GLB1L: variants seen among roughly 807,000 people sequenced by gnomAD.
The protein encoded by GLB1L is beta-galactosidase-1-like protein.
In GLB1L, 58 loss-of-function variants were observed where a neutral mutation model predicts 75.7. The ratio of observed to expected loss-of-function variants is 0.77; its 90% confidence interval spans 0.62 to 0.95. The LOEUF (loss-of-function observed/expected upper bound fraction) is 0.95. Ranked by LOEUF, GLB1L falls within the 40% of genes least tolerant of loss-of-function variation. The probability of loss-of-function intolerance (pLI) is 0.00; values close to 1 mark genes in which losing one functional copy is unlikely to be tolerated. For missense variants in GLB1L, 797 were observed against 805.5 expected, an observed-to-expected ratio of 0.99 and a Z score of 0.13; for synonymous variants, 296 against 303.0, an observed-to-expected ratio of 0.98 and a Z score of 0.24.
At chr2:219,240,482 G>C (rs773620241) in intron 5 of GLB1L, among the ~76,000 whole-genome samples, 197 bp from the exon 6 acceptor site, 1 of 152,208 alleles carries the variant, frequency 6.6e-6, no homozygotes, top group Non-Finnish European at 1.5e-5. Context: ...GGCGGCTCAC[G>C]CCTGTAATCC....
chr2:219,243,098 G>T, intron 3 of GLB1L, 50 bp downstream of exon 3: 1 of 1,561,288 alleles, frequency 6.4e-7, no homozygotes, highest in African/African-American at 1.4e-5. Context: ...TAAGGGGGCG[G>T]TAGAAAAAGT....
intron 12 of GLB1L, 41 bp downstream of exon 12, chr2:219,238,664 A>G: frequency 6.2e-7 from 1 of 1,604,866 alleles, no homozygotes; most frequent in Admixed American, 1.7e-5. Context: ...TATTTAGAAA[A>G]AAAAGGTGTG....
Position 219,237,094 on chromosome 2 carries a change from G to A in GLB1L, c.1943C>T (p.Pro648Leu), listed in dbSNP as rs758277180. 1 of 1,607,840 alleles carries A rather than the reference G, an allele frequency of 6.2e-7. No individual in the cohort carries two copies. Among genetic ancestry groups the A allele is most frequent in the South Asian group, 1.1e-5 (1 of 91,006 alleles). ...CTTTCAGTGCCCACTTAACTCCATT[G>A]GTTCAGAGGCACTCAGTGTATCAGC... ...LSADTLSASE[P>L]MELSGH The change falls in exon 17 of 17, where the codon CCA becomes CTA. Residue 648 changes from proline to leucine, a missense_variant. Pro to Leu is a moderately conservative substitution (Grantham distance 98). Transcript: ENST00000295759.
chr2:219,238,068 C>A, intron 14 of GLB1L, 111 bp from the exon 15 acceptor site: 2 of 1,167,578 alleles, frequency 1.7e-6, no homozygotes, highest in South Asian at 2.8e-5. Flanking sequence ...ATGTAGCCAT[C>A]TATCACCCAT....
At position 219,242,558 on chromosome 2, in the gene GLB1L, C is replaced by T. The variant is rs1951416838; in HGVS notation, c.407G>A (p.Trp136Ter). Residue 136 changes from tryptophan to a stop codon, truncating the protein, a stop_gained, in exon 5 of 17, where the codon TGG (tryptophan) becomes TAG (stop). Coordinates refer to ENST00000295759, the MANE Select transcript of GLB1L (RefSeq NM_001286423.2). LOFTEE classifies it high-confidence loss of function. Reference protein sequence around the residue: ...AEWEMGGLPSWLLRKPEIHLR... With the variant: ...AEWEMGGLPS Reference sequence around the variant, plus strand: ...ATGAATTTCAGGTTTTCGAAGCAACCAGGATGGGAGACCCCCCTGAGACAA... The same window carrying T: ...ATGAATTTCAGGTTTTCGAAGCAACTAGGATGGGAGACCCCCCTGAGACAA... The T allele has an allele frequency of 7.4e-6, 12 of 1,613,510 alleles. No individual in the cohort carries two copies. Among genetic ancestry groups the T allele is most frequent in the Non-Finnish European group, 9.3e-6 (11 of 1,179,706 alleles).
intron 9 of GLB1L, 24 bp from the exon 10 acceptor site, chr2:219,239,475 A>C: frequency 1.2e-6 from 2 of 1,610,650 alleles, no homozygotes; most frequent in Non-Finnish European, 1.7e-6. Context: ...GGGTGGGGGA[A>C]CAGGTAAAAG....
In GLB1L at chr2:219,237,140, T is replaced by C; in HGVS notation, c.1897A>G (p.Thr633Ala). The C allele has an allele frequency of 6.2e-7, 1 of 1,614,104 alleles. No homozygotes were observed. Among genetic ancestry groups the C allele is most frequent in the East Asian group, 2.2e-5 (1 of 44,878 alleles). The change falls in exon 17 of 17, where the codon ACA becomes GCA. Residue 633 changes from threonine to alanine, a missense_variant. Physicochemically the swap from Thr to Ala is moderately conservative, Grantham distance 58. Coordinates refer to ENST00000295759, the MANE Select transcript of GLB1L (RefSeq NM_001286423.2). Reference sequence around the variant, plus strand: ...TCAGCTGAAAGGGAATTGATATGTGTCCTGTGCAAAGTACTAGTGCTATTG... The same window carrying C: ...TCAGCTGAAAGGGAATTGATATGTGCCCTGTGCAAAGTACTAGTGCTATTG... ...ILNSTSTLHRTHINSLSADTL... is the reference protein window; with the variant it reads ...ILNSTSTLHRAHINSLSADTL...
chr2:219,244,449 G>T (rs1951478621), intron 1 of GLB1L, among the ~76,000 whole-genome samples: 1 of 152,170 alleles, frequency 6.6e-6, no homozygotes, highest in African/African-American at 2.4e-5. Flanking sequence ...GGGTGATCCG[G>T]GGTGTGGAAG....
At chr2:219,244,436 T>C (rs1056550424) in intron 1 of GLB1L, among the ~76,000 whole-genome samples, 10 of 152,176 alleles carry the variant, frequency 6.6e-5, no homozygotes, top group African/African-American at 2.4e-4. Flanking sequence ...TGGAAAATCT[T>C]CAGGGTGATC....
At chr2:219,241,434 G>GTATATATATATATA (rs1392771177) in intron 5 of GLB1L, among the ~76,000 whole-genome samples, 35 of 82,948 alleles carry the variant, frequency 4.2e-4, no homozygotes, top group Admixed American at 7.8e-4. Context: ...GTGTGTGTGT[G>GTATATATATATATA]TGTGTGTGTA....
At chr2:219,244,524 C>A (rs1263711180) in intron 1 of GLB1L, among the ~76,000 whole-genome samples, 1 of 152,178 alleles carries the variant, frequency 6.6e-6, no homozygotes, top group African/African-American at 2.4e-5. Flanking sequence ...AACAGCCATT[C>A]CCTCCTGGCC....
chr2:219,242,749 C>T lies in GLB1L; in HGVS notation c.390+19G>A. On this transcript the variant is annotated intron_variant, in intron 4 of 16. Coordinates refer to ENST00000295759, the MANE Select transcript of GLB1L (RefSeq NM_001286423.2). ...CTGCACAAGGATAACTGGTTCTATC[C>T]CTTCTCCAGCTAACTCACCATCTCC... is the stretch of plus-strand genomic sequence containing the variant. 1.2e-6 allele frequency: 2 copies of T among 1,613,780 alleles called. No homozygotes were observed. The highest frequency in any genetic ancestry group is 1.3e-5 in the African/African-American group (1 of 75,006).
Position 219,243,189 on chromosome 2 carries a change from C to T in GLB1L, c.198G>A (p.Arg66=), listed in dbSNP as rs371390940. ...GGCCGCTCCATCGCATCTTCAAAAGCCGGTCGGCCCAAAGCACCCGCGGTA... is the reference window on the plus strand; with the variant it reads ...GGCCGCTCCATCGCATCTTCAAAAGTCGGTCGGCCCAAAGCACCCGCGGTA... The part of the protein sequence containing the change: ...FRVPRVLWAD[R]LLKMRWSGLN... The change falls in exon 3 of 17, where the codon CGG becomes CGA. Residue 66 remains arginine (R), a synonymous_variant. Coordinates refer to ENST00000295759, the MANE Select transcript of GLB1L (RefSeq NM_001286423.2). The T allele has an allele frequency of 1.2e-6, 2 of 1,613,410 alleles. No individual in the cohort carries two copies. Among genetic ancestry groups the T allele is most frequent in the East Asian group, 2.2e-5 (1 of 44,864 alleles).
intron 10 of GLB1L, 90 bp from the exon 11 acceptor site, chr2:219,239,300 AG>A (rs3215296): frequency 0.05 from 73,153 of 1,459,676 alleles, 2,140 homozygotes; most frequent in South Asian, 0.095. Context: ...TTGCCATCAG[AG>A]GGGGCAGAGG....
At chr2:219,238,008 C>G in intron 14 of GLB1L, 51 bp from the exon 15 acceptor site, 1 of 1,591,918 alleles carries the variant, frequency 6.3e-7, no homozygotes, top group Non-Finnish European at 8.6e-7. Context: ...AGCTCTTAGC[C>G]ACTGCATAGG....
intron 4 of GLB1L, 73 bp from the exon 5 acceptor site, chr2:219,242,647 G>A (rs1951419408): frequency 1.3e-6 from 2 of 1,511,712 alleles, no homozygotes; most frequent in Non-Finnish European, 1.8e-6. Flanking sequence ...GCTAGGAAGG[G>A]AAGGAAGGAA....
chr2:219,243,071 T>C lies in GLB1L; in HGVS notation c.239+77A>G. The stretch of plus-strand genomic sequence containing the variant: ...GGCCTAGGAGTCCTGGCAGTCTTCC[T>C]GTCCCGACCTTCTTTATAAGGGGGC... On this transcript the variant is annotated intron_variant, in intron 3 of 16. Transcript: ENST00000295759. The C allele has an allele frequency of 2.6e-6, 4 of 1,551,400 alleles. No homozygotes were observed. In the East Asian group the frequency reaches 9.0e-5, roughly 35 times the overall value.
rs762230691 is a variant in GLB1L, at chr2:219,240,055, TG to T, written c.585del (p.Phe195LeufsTer4). ...NEYGSYRACD[F>X]SYMRHLAGLF... ...AGCCCAGCCAAGTGCCTCATGTAGC[TG>T]AAGTCACAGGCTCTGTAGCTACCAT... On this transcript the variant is annotated frameshift_variant, in exon 7 of 17. Coordinates refer to ENST00000295759, the MANE Select transcript of GLB1L (RefSeq NM_001286423.2). LOFTEE classifies it high-confidence loss of function. 6 of 1,614,078 alleles carry T rather than the reference TG, an allele frequency of 3.7e-6. No individual in the cohort carries two copies. The highest frequency in any genetic ancestry group is 5.1e-6 in the Non-Finnish European group (6 of 1,180,032).
rs1248204802 is a variant in GLB1L, at chr2:219,240,168, C to A, written c.546+23G>T. On this transcript the variant is annotated intron_variant, in intron 6 of 16. Transcript: ENST00000295759. The stretch of plus-strand genomic sequence containing the variant: ...GGACCCCTTGTACCTTCTTCCCCTG[C>A]TCCAGTCACTTCCCCCTTGTACCTG... 2.5e-6 allele frequency: 4 copies of A among 1,612,722 alleles called. No individual in the cohort carries two copies. In the African/African-American group the frequency reaches 5.3e-5, roughly 22 times the overall value.
Sources: allele counts gnomAD v4.1 joint callset (sites outside exome capture counted in the v4.1 genomes callset), GRCh38; gene constraint gnomAD v4.1.1; transcripts MANE v1.5; gene names NCBI Gene and HGNC (gene_info 2026-07-23, HGNC 2026-07-21).